Variants in ZNF469 observed in about 807,000 individuals in gnomAD.
ZNF469 encodes the protein zinc finger protein 469.
Under a neutral mutation model 1.0 loss-of-function variants are expected in ZNF469, and 1 was observed. That is an observed-to-expected ratio of 1.00 (90% CI 0.35 to 4.73). The LOEUF (loss-of-function observed/expected upper bound fraction) is 4.73, where lower values mean the gene tolerates loss of function less well. Ranked by LOEUF, ZNF469 falls within the 30% of genes most tolerant of loss-of-function variation. ZNF469 has a pLI of 0.16. For synonymous variants in ZNF469, 2,703 were observed against 2,363.4 expected (o/e 1.14, Z -4.17); for missense variants, 6,100 against 5,356.3 (o/e 1.14, Z -4.33).
chr16:88,245,670 C>G, the ZNF469 span, among the ~76,000 whole-genome samples: 1 of 152,262 alleles, frequency 6.6e-6, no homozygotes, highest in Admixed American at 6.5e-5. Flanking sequence ...TCCTTCTCCC[C>G]CTTGCCTACA....
intron 1 of ZNF469, among the ~76,000 whole-genome samples, chr16:88,408,740 G>T (rs890137612): frequency 6.6e-6 from 1 of 150,758 alleles, no homozygotes; most frequent in African/African-American, 2.4e-5. Context: ...CCTCCCGCCT[G>T]GCCCCCGTCC....
the ZNF469 span, among the ~76,000 whole-genome samples, chr16:88,296,562 G>A: frequency 2.7e-5 from 4 of 145,922 alleles, no homozygotes; most frequent in South Asian, 2.2e-4. Context: ...GCACACTCAC[G>A]TGCTCACACA....
At chr16:88,108,144 T>C in the ZNF469 span, among the ~76,000 whole-genome samples, 1 of 98,730 alleles carries the variant, frequency 1.0e-5, no homozygotes, top group African/African-American at 4.3e-5. Context: ...TGTGGGGATG[T>C]GGGGATGGGG....
the ZNF469 span, among the ~76,000 whole-genome samples, chr16:88,336,085 C>G: frequency 2.6e-5 from 4 of 150,980 alleles, no homozygotes; most frequent in African/African-American, 9.8e-5. Flanking sequence ...CATGCCAACA[C>G]CACACATGTT....
chr16:88,243,397 A>G, the ZNF469 span, among the ~76,000 whole-genome samples: 5 of 152,102 alleles, frequency 3.3e-5, no homozygotes, highest in African/African-American at 1.2e-4. Flanking sequence ...TGTAAGATAT[A>G]CCCACCCCTT....
chr16:88,309,475 C>A, the ZNF469 span, among the ~76,000 whole-genome samples: 1 of 150,066 alleles, frequency 6.7e-6, no homozygotes, highest in Non-Finnish European at 1.5e-5. Flanking sequence ...TCTGAGGTCC[C>A]CTCTCGGTGT....
the ZNF469 span, among the ~76,000 whole-genome samples, chr16:88,143,221 T>C: frequency 6.6e-6 from 1 of 152,252 alleles, no homozygotes; most frequent in Non-Finnish European, 1.5e-5. Flanking sequence ...CTTGATCGTT[T>C]TGTGCCTCAG....
the ZNF469 span, among the ~76,000 whole-genome samples, chr16:88,343,997 G>T: frequency 6.6e-6 from 1 of 152,032 alleles, no homozygotes; most frequent in African/African-American, 2.4e-5. Context: ...GATCCTGGAC[G>T]GGACATGATC....
At chr16:88,256,895 CTTCTTTCTTTCTTTCT>C in the ZNF469 span, among the ~76,000 whole-genome samples, 7 of 51,428 alleles carry the variant, frequency 1.4e-4, no homozygotes, top group African/African-American at 4.8e-4. Flanking sequence ...CTTTTCTTTC[CTTCTTTCTTTCTTTCT>C]TTCTTTCTTT....
the ZNF469 span, among the ~76,000 whole-genome samples, chr16:88,266,237 G>C: frequency 2.8e-4 from 42 of 152,362 alleles, no homozygotes; most frequent in African/African-American, 1.0e-3. Context: ...CCGGGTTCAC[G>C]CTGCAGGGAC....
chr16:88,166,558 G>A, the ZNF469 span, among the ~76,000 whole-genome samples: 12 of 152,080 alleles, frequency 7.9e-5, no homozygotes, highest in African/African-American at 2.9e-4. The surrounding 1 kb of genome is among the most constrained non-coding windows in gnomAD (Gnocchi z 4.5). Flanking sequence ...CCAGCCATCC[G>A]TGTCCCTCCT....
the ZNF469 span, among the ~76,000 whole-genome samples, chr16:88,229,724 G>A: frequency 1.5e-4 from 23 of 152,370 alleles, no homozygotes; most frequent in East Asian, 1.9e-4. Flanking sequence ...GATGTCACGC[G>A]TGTGGATGTC....
Position 88,428,970 on chromosome 16 carries a change from G to A in ZNF469, c.1500G>A (p.Met500Ile), listed in dbSNP as rs1005533271. 7.1e-6 allele frequency: 11 copies of A among 1,548,346 alleles called. No homozygotes were observed. The highest frequency in any genetic ancestry group is 1.4e-5 in the African/African-American group (1 of 73,008). ...TARPSPHGME[M>I]LSRLPFPAGG... is the part of the protein sequence containing the mutation. Reference sequence around the variant, plus strand: ...GGCCAAGTCCCCACGGAATGGAGATGCTGAGCCGGCTGCCTTTCCCCGCGG... The same window carrying A: ...GGCCAAGTCCCCACGGAATGGAGATACTGAGCCGGCTGCCTTTCCCCGCGG... Residue 500 changes from methionine (M) to isoleucine (I), a missense_variant, in exon 3 of 3, where the codon ATG becomes ATA. By Grantham distance (10) the Met-to-Ile change is conservative (BLOSUM62 1). Coordinates refer to ENST00000565624, the MANE Select transcript of ZNF469 (RefSeq NM_001367624.2).
chr16:88,410,808 G>A (rs567238653), intron 1 of ZNF469, among the ~76,000 whole-genome samples: 2 of 152,322 alleles, frequency 1.3e-5, no homozygotes, highest in African/African-American at 2.4e-5. Flanking sequence ...TAAAGTTCAC[G>A]GTGGAGGTCA....
intron 1 of ZNF469, among the ~76,000 whole-genome samples, chr16:88,405,592 T>C (rs1029947323): frequency 3.3e-5 from 5 of 151,950 alleles, no homozygotes; most frequent in African/African-American, 1.2e-4. Flanking sequence ...TGGACACAGG[T>C]CCCCAGGGAA....
At chr16:88,358,444 A>C in the ZNF469 span, among the ~76,000 whole-genome samples, 1 of 152,200 alleles carries the variant, frequency 6.6e-6, no homozygotes, top group African/African-American at 2.4e-5. Flanking sequence ...GAATGTCTGT[A>C]AAATGAACCT....
the ZNF469 span, among the ~76,000 whole-genome samples, chr16:88,292,890 G>A: frequency 6.6e-6 from 1 of 151,608 alleles, no homozygotes; most frequent in African/African-American, 2.4e-5. Flanking sequence ...TCCTTTATCG[G>A]ACACTGGTCC....
At chr16:88,205,721 G>T in the ZNF469 span, among the ~76,000 whole-genome samples, 1 of 152,348 alleles carries the variant, frequency 6.6e-6, no homozygotes, top group Non-Finnish European at 1.5e-5. This position sits in a 1 kb window ranked among gnomAD's most constrained non-coding sequence, Gnocchi z 4.2. Flanking sequence ...GTGACGAGGT[G>T]TCAGAGACGC....
Position 88,439,458 on chromosome 16 carries a change from C to T in ZNF469, c.*126C>T, listed in dbSNP as rs572612589. 4 of 1,060,922 alleles carry T rather than the reference C, an allele frequency of 3.8e-6. No homozygotes were observed. The highest frequency in any genetic ancestry group is 5.2e-5 in the East Asian group (2 of 38,670). 65.7% of individuals were successfully genotyped at this position (1,060,922 alleles called of 1,614,324 possible). A position where few individuals can be genotyped will look rare whatever the true frequency, so the allele number is the denominator to read the frequency against. On this transcript the variant is annotated 3_prime_UTR_variant, in exon 3 of 3. Transcript: ENST00000565624. ...TTGACTTCTTGTGCAACTGCTCAGG[C>T]CTTGATGTCAGAGCTGAGGTGGTGA...
Sources: gnomAD v4.1 joint callset for allele counts (sites outside exome capture counted in the v4.1 genomes callset) on GRCh38, gnomAD v4.1.1 for gene constraint, Gnocchi (gnomAD v3.1) non-coding constraint, MANE v1.5 for transcripts, NCBI Gene and HGNC (gene_info 2026-07-23, HGNC 2026-07-21) for gene names.